SYMPK: variants seen among roughly 807,000 people sequenced by gnomAD.
The protein encoded by SYMPK is symplekin scaffold protein.
SYMPK carries 49 observed loss-of-function variants against 136.4 expected under a neutral mutation model. That is an observed-to-expected ratio of 0.36 (90% CI 0.29 to 0.46). The LOEUF (loss-of-function observed/expected upper bound fraction) is 0.46, where lower values mean the gene tolerates loss of function less well. Among genes scored for constraint, SYMPK ranks in the 20% least tolerant of loss-of-function variants. The probability of loss-of-function intolerance (pLI) is 1.00; values close to 1 mark genes in which losing one functional copy is unlikely to be tolerated. For missense variants in SYMPK, 1,365 were observed against 1,690.0 expected (o/e 0.81, Z 3.37); for synonymous variants, 766 against 713.0 (o/e 1.07, Z -1.19).
At chr19:45,848,501 G>A (rs1461613175) in intron 6 of SYMPK, among the ~76,000 whole-genome samples, 3 of 152,212 alleles carry the variant, frequency 2.0e-5, no homozygotes, top group Admixed American at 2.0e-4. Context: ...CCAGGGCTAA[G>A]CACAGAGGAC....
At chr19:45,859,205 T>C (rs963076784) in intron 1 of SYMPK, among the ~76,000 whole-genome samples, 5 of 151,942 alleles carry the variant, frequency 3.3e-5, no homozygotes, top group Non-Finnish European at 7.4e-5. Context: ...AATCACTGGG[T>C]TCAGTATTCC....
rs376532068 is a variant in SYMPK, at chr19:45,822,680, G to A, written c.2791+76C>T. ...GATGTGCCCTCTCTCCCTGAGGGGG[G>A]TGCCTGCACCTTGCCTTCTGCCCCA... On this transcript the variant is annotated intron_variant, in intron 21 of 26. Coordinates refer to ENST00000245934, the MANE Select transcript of SYMPK (RefSeq NM_004819.3). The A allele has an allele frequency of 6.3e-3, 7,795 of 1,246,992 alleles. 40 individuals are homozygous for A. Among genetic ancestry groups the A allele is most frequent in the Non-Finnish European group, 7.9e-3 (6,742 of 854,974 alleles). The allele number at this position is 1,246,992 out of a possible 1,614,324, so 77.2% of individuals were successfully genotyped here.
chr19:45,857,259 A>T (rs576444731), intron 1 of SYMPK, among the ~76,000 whole-genome samples: 24 of 150,432 alleles, frequency 1.6e-4, no homozygotes, highest in Non-Finnish European at 3.3e-4. Context: ...AATACAAAAA[A>T]ATATGCCGGG....
intron 23 of SYMPK, among the ~76,000 whole-genome samples, chr19:45,817,603 T>G (rs556709860): frequency 2.0e-5 from 3 of 151,926 alleles, no homozygotes; most frequent in African/African-American, 7.2e-5. Flanking sequence ...GGCCTTATCG[T>G]GGTATTTCTA....
intron 7 of SYMPK, among the ~76,000 whole-genome samples, chr19:45,844,931 T>C (rs886895597): frequency 1.1e-4 from 16 of 152,308 alleles, no homozygotes; most frequent in African/African-American, 3.8e-4. Flanking sequence ...TAAATAATTA[T>C]GGGGTACATG....
At position 45,819,939 on chromosome 19, in the gene SYMPK, C is replaced by A. The variant is rs575520183; in HGVS notation, c.2893+1445G>T. The A allele has an allele frequency of 3.3e-5, 5 of 152,588 alleles. No homozygotes were observed. In the South Asian group the frequency reaches 1.0e-3, roughly 32 times the overall value. 9.5% of individuals were successfully genotyped at this position (152,588 alleles called of 1,614,324 possible). A position where few individuals can be genotyped will look rare whatever the true frequency, so the allele number is the denominator to read the frequency against. On this transcript the variant is annotated intron_variant, in intron 22 of 26. Coordinates refer to ENST00000245934, the MANE Select transcript of SYMPK (RefSeq NM_004819.3). Reference sequence around the variant, plus strand: ...GGACACCAGCTGGAGGGTTGTCTGGCCTGCAGCGTGCACGCCTGGGCGTGT... The same window carrying A: ...GGACACCAGCTGGAGGGTTGTCTGGACTGCAGCGTGCACGCCTGGGCGTGT...
In SYMPK at chr19:45,815,467, A is replaced by C. The variant is rs1292589934; in HGVS notation, c.*93T>G. On this transcript the variant is annotated 3_prime_UTR_variant, in exon 27 of 27. Coordinates refer to ENST00000245934, the MANE Select transcript of SYMPK (RefSeq NM_004819.3). ...TAACTTGCCCAAGTTCACATCTTTT[A>C]TTTCTTTTTAAGGCAAAGCACCCGC... 1.1e-5 allele frequency: 13 copies of C among 1,169,924 alleles called. No individual in the cohort carries two copies. The East Asian group carries it at 2.8e-4, about 25-fold the overall frequency. The allele number at this position is 1,169,924 out of a possible 1,614,324, so 72.5% of individuals were successfully genotyped here. A position where few individuals can be genotyped will look rare whatever the true frequency, so the allele number is the denominator to read the frequency against.
In SYMPK at chr19:45,816,035, G is replaced by A; in HGVS notation, c.3503C>T (p.Ser1168Phe). ...KLKPGGVGAP[S>F]SSSPSPSPSA... ...CGGAGAGGGAGAGGGGGAGGAAGAGGAGGGGGCTCCCACTCCTCCCGGCTT... is the reference window on the plus strand; with the variant it reads ...CGGAGAGGGAGAGGGGGAGGAAGAGAAGGGGGCTCCCACTCCTCCCGGCTT... The change falls in exon 26 of 27, where the codon TCC (serine) becomes TTC (phenylalanine). Residue 1168 changes from serine (S) to phenylalanine (F), a missense_variant. Coordinates refer to ENST00000245934, the MANE Select transcript of SYMPK (RefSeq NM_004819.3). 1.3e-6 allele frequency: 2 copies of A among 1,581,586 alleles called. No homozygotes were observed. Among genetic ancestry groups the A allele is most frequent in the South Asian group, 1.1e-5 (1 of 87,234 alleles).
At chr19:45,833,158 G>A (rs1232379985) in intron 11 of SYMPK, among the ~76,000 whole-genome samples, 1 of 151,166 alleles carries the variant, frequency 6.6e-6, no homozygotes, top group African/African-American at 2.4e-5. Context: ...AGCCAAGAAA[G>A]TTCTGCTGCA....
At chr19:45,832,764 C>G (rs929815179) in intron 11 of SYMPK, among the ~76,000 whole-genome samples, 53 of 150,756 alleles carry the variant, frequency 3.5e-4, no homozygotes, top group African/African-American at 1.2e-3. Flanking sequence ...AATCCCAGCA[C>G]TTTAACAGGC....
intron 18 of SYMPK, 128 bp downstream of exon 18, chr19:45,825,043 G>T: frequency 1.7e-6 from 2 of 1,178,958 alleles, no homozygotes; most frequent in Admixed American, 2.2e-5. Context: ...ACACAGCCTG[G>T]GTCGGCCCGG....
chr19:45,851,301 C>T (rs576134699), intron 5 of SYMPK, among the ~76,000 whole-genome samples: 124 of 152,262 alleles, frequency 8.1e-4, no homozygotes, highest in African/African-American at 2.7e-3. Context: ...TTTTGCTGGG[C>T]GTCGTGGCTC....
In SYMPK at chr19:45,815,494, G is replaced by A. The variant is rs1970701708; in HGVS notation, c.*66C>T. On this transcript the variant is annotated 3_prime_UTR_variant, in exon 27 of 27. Coordinates refer to ENST00000245934, the MANE Select transcript of SYMPK (RefSeq NM_004819.3). ...TTCTTTTTAAGGCAAAGCACCCGCAGGTCAAGCCCCGCCCCGTCCCCCAGC... is the reference window on the plus strand; with the variant it reads ...TTCTTTTTAAGGCAAAGCACCCGCAAGTCAAGCCCCGCCCCGTCCCCCAGC... The A allele has an allele frequency of 8.0e-7, 1 of 1,247,146 alleles. No homozygotes were observed. The highest frequency in any genetic ancestry group is 1.1e-6 in the Non-Finnish European group (1 of 920,256). 77.3% of individuals were successfully genotyped at this position (1,247,146 alleles called of 1,614,324 possible). A position where few individuals can be genotyped will look rare whatever the true frequency, so the allele number is the denominator to read the frequency against.
At chr19:45,834,948 C>T (rs964000847) in intron 11 of SYMPK, 130 bp downstream of exon 11, 3 of 807,116 alleles carry the variant, frequency 3.7e-6, no homozygotes, top group South Asian at 2.9e-5. Flanking sequence ...TCTGTGGTAC[C>T]TGTCATTATC....
chr19:45,848,151 G>A, intron 6 of SYMPK, 150 bp from the exon 7 acceptor site: 1 of 1,054,116 alleles, frequency 9.5e-7, no homozygotes, highest in Non-Finnish European at 1.3e-6. Flanking sequence ...CTCTGCCCCA[G>A]CCCAGTGCTC....
intron 7 of SYMPK, among the ~76,000 whole-genome samples, chr19:45,845,198 C>T (rs573292722): frequency 2.0e-5 from 3 of 152,030 alleles, no homozygotes; most frequent in South Asian, 4.2e-4. Context: ...CTGCAACCTC[C>T]ACCACCCAGA....
At chr19:45,824,149 G>A in intron 18 of SYMPK, 1 of 403,506 alleles carries the variant, frequency 2.5e-6, no homozygotes, top group South Asian at 2.9e-5. Flanking sequence ...GACTTGACCT[G>A]ACCTCGAATG....
Position 45,821,604 on chromosome 19 carries a change from G to C in SYMPK, c.2792-119C>G. On this transcript the variant is annotated intron_variant, in intron 21 of 26. Transcript: ENST00000245934. The surrounding 1 kb of genome is among the most constrained non-coding windows in gnomAD (Gnocchi z 4.4). ...AAAGATGAGGTGCCCTCTGCTTTCAGGGCTGGAACAGGGGAAGCGACTGAC... is the reference window on the plus strand; with the variant it reads ...AAAGATGAGGTGCCCTCTGCTTTCACGGCTGGAACAGGGGAAGCGACTGAC... 1.4e-6 allele frequency: 1 copy of C among 691,326 alleles called. No individual in the cohort carries two copies. The allele number at this position is 691,326 out of a possible 1,614,324, so 42.8% of individuals were successfully genotyped here.
At chr19:45,848,715 G>A (rs1568623604) in intron 6 of SYMPK, 35 bp downstream of exon 6, 2 of 1,612,092 alleles carry the variant, frequency 1.2e-6, no homozygotes, top group Middle Eastern at 2.0e-4. Flanking sequence ...AGACATATCA[G>A]GCAGGATGGC....
Sources: allele counts gnomAD v4.1 joint callset (sites outside exome capture counted in the v4.1 genomes callset), GRCh38; gene constraint gnomAD v4.1.1; non-coding constraint Gnocchi (gnomAD v3.1); transcripts MANE v1.5; gene names NCBI Gene and HGNC (gene_info 2026-07-23, HGNC 2026-07-21).